The following SVIL variants were observed in gnomAD, a reference collection of about 807,000 sequenced individuals.
SVIL encodes archvillin.
A neutral mutation model predicts 240.4 loss-of-function variants in SVIL; 101 were observed. The observed-to-expected ratio is 0.42, with a 90% confidence interval of 0.36 to 0.50. The LOEUF is 0.50. Among genes scored for constraint, SVIL ranks in the 20% least tolerant of loss-of-function variants. The pLI, the probability that SVIL is intolerant of heterozygous loss-of-function variation, is 0.01. For synonymous variants in SVIL, 999 were observed against 1,100.0 expected (o/e 0.91, Z 1.82); for missense variants, 2,512 against 2,818.7 (o/e 0.89, Z 2.46).
intron 16 of SVIL, among the ~76,000 whole-genome samples, chr10:29,521,944 CA>C (rs1950584307): frequency 6.6e-6 from 1 of 152,102 alleles, no homozygotes; most frequent in African/African-American, 2.4e-5. Context: ...ATTCTAAGTC[CA>C]AAGATATATG....
At chr10:29,595,853 G>T (rs1046844752) in intron 1 of SVIL, among the ~76,000 whole-genome samples, 1 of 152,182 alleles carries the variant, frequency 6.6e-6, no homozygotes, top group Admixed American at 6.5e-5. Flanking sequence ...CATTCCACAC[G>T]TGGCCCTAGG....
rs1015741989 is a variant in SVIL, at chr10:29,551,367, T to C, written c.161-104A>G. ...CACACAGCACACACCTGGGTGCCCA[T>C]GCTGTGAAGGACCAGTTTCTCACCG... On this transcript the variant is annotated intron_variant, in intron 5 of 37. Coordinates refer to ENST00000355867, the MANE Select transcript of SVIL (RefSeq NM_021738.3). The C allele has an allele frequency of 5.2e-6, 6 of 1,158,810 alleles. No homozygotes were observed. The Admixed American group carries it at 1.7e-4, about 34-fold the overall frequency. 71.8% of individuals were successfully genotyped at this position (1,158,810 alleles called of 1,614,324 possible). A position where few individuals can be genotyped will look rare whatever the true frequency, so the allele number is the denominator to read the frequency against.
rs57522089 is a variant in SVIL, at chr10:29,720,188, A to C, written c.-400+15563T>G. Among the ~76,000 whole-genome samples the C allele has an allele frequency of 0.012, 1,794 of 152,318 alleles. 79 individuals carry two copies. In the East Asian group the frequency reaches 0.16, roughly 13 times the overall value. The stretch of plus-strand genomic sequence containing the variant: ...CACTGCACTCTGCCCTGGATGACAC[A>C]GTGAGACTTCACTTTTTAAAAAATA... On this transcript the variant is annotated intron_variant, in intron 1 of 35. Transcript: ENST00000375400.
At chr10:29,641,952 C>T (rs1183660686) in intron 3 of SVIL, among the ~76,000 whole-genome samples, 1 of 152,192 alleles carries the variant, frequency 6.6e-6, no homozygotes, top group Non-Finnish European at 1.5e-5. Context: ...ATTCCAAAGT[C>T]CCACTTCTCT....
intron 1 of SVIL, chr10:29,602,347 C>CT (rs1956844475): frequency 1.9e-6 from 1 of 523,378 alleles, no homozygotes; most frequent in Admixed American, 2.0e-5. Context: ...GTACACCTTC[C>CT]AACATGCCGT....
chr10:29,631,034 G>A lies in SVIL; in HGVS notation c.-201+3386C>T, dbSNP rs78786099. 7.1e-3 allele frequency among the ~76,000 whole-genome samples: 1,075 copies of A among 152,200 alleles called. 5 individuals are homozygous for A. Among genetic ancestry groups the A allele is most frequent in the Middle Eastern group, 0.014 (4 of 294 alleles). ...CAGCCCTAGAGTACAGGCTGGAGTC[G>A]AGGCCCAGGAGGCCAGAGGCATGTC... is the stretch of plus-strand genomic sequence containing the variant. On this transcript the variant is annotated intron_variant, in intron 1 of 37. Coordinates refer to ENST00000355867, the MANE Select transcript of SVIL (RefSeq NM_021738.3).
intron 29 of SVIL, among the ~76,000 whole-genome samples, chr10:29,477,608 G>A (rs1201426172): frequency 6.6e-6 from 1 of 152,242 alleles, no homozygotes; most frequent in Non-Finnish European, 1.5e-5. Context: ...AGTGATAGGG[G>A]AGCCGGACTA....
intron 1 of SVIL, among the ~76,000 whole-genome samples, chr10:29,572,763 CAAAA>C (rs375180538): frequency 3.7e-5 from 3 of 81,328 alleles, no homozygotes; most frequent in Non-Finnish European, 7.0e-5. Context: ...GATCCTATCT[CAAAA>C]AAAAAAAAAA....
chr10:29,733,593 C>T (rs1174852073), intron 1 of SVIL, among the ~76,000 whole-genome samples: 4 of 152,194 alleles, frequency 2.6e-5, no homozygotes, highest in East Asian at 3.9e-4. Flanking sequence ...GTGTGAGGCA[C>T]GGCACCTGGC....
intron 23 of SVIL, chr10:29,487,771 G>A (rs3818543): frequency 0.47 from 71,892 of 152,128 alleles, 17,176 homozygotes; most frequent in East Asian, 0.57. Context: ...GGATGGAGGC[G>A]CCACCTTCTG....
intron 1 of SVIL, among the ~76,000 whole-genome samples, chr10:29,588,795 A>C (rs1313458780): frequency 1.3e-5 from 2 of 152,222 alleles, no homozygotes; most frequent in East Asian, 3.9e-4. Flanking sequence ...ACTGTGCAAG[A>C]GATAAATGCG....
chr10:29,662,332 CT>C (rs1314741877), intron 2 of SVIL, among the ~76,000 whole-genome samples: 1 of 152,182 alleles, frequency 6.6e-6, no homozygotes, highest in African/African-American at 2.4e-5. Flanking sequence ...TGCCAAACAC[CT>C]GATGCTGATT....
intron 7 of SVIL, among the ~76,000 whole-genome samples, chr10:29,534,388 A>G (rs1262203999): frequency 6.6e-6 from 1 of 152,186 alleles, no homozygotes; most frequent in Non-Finnish European, 1.5e-5. Context: ...CTGTAGTCCC[A>G]GCTACTTAGG....
chr10:29,543,020 C>T lies in SVIL; in HGVS notation c.828-6951G>A, dbSNP rs568943254. On this transcript the variant is annotated intron_variant, in intron 6 of 37. Coordinates refer to ENST00000355867, the MANE Select transcript of SVIL (RefSeq NM_021738.3). The stretch of plus-strand genomic sequence containing the variant: ...ATATGATAATGAGAGCAGACTGGTG[C>T]GAGAGTCTAAACACCACAGAAAGTG... Among the ~76,000 whole-genome samples the T allele has an allele frequency of 7.2e-5, 11 of 152,248 alleles. No homozygotes were observed. The East Asian group carries it at 1.9e-3, about 27-fold the overall frequency.
At chr10:29,461,597 C>T (rs1944270798) in intron 36 of SVIL, among the ~76,000 whole-genome samples, 1 of 152,032 alleles carries the variant, frequency 6.6e-6, no homozygotes, top group African/African-American at 2.4e-5. Context: ...AAAACAAATC[C>T]TTGGATTTGC....
At chr10:29,561,584 A>ATTTTTT (rs199711026) in intron 3 of SVIL, among the ~76,000 whole-genome samples, 3 of 144,616 alleles carry the variant, frequency 2.1e-5, no homozygotes, top group Non-Finnish European at 1.5e-5. Context: ...CTCAGAGGAA[A>ATTTTTT]TTTTTTTTTT....
At chr10:29,676,247 T>C (rs999747879) in intron 2 of SVIL, among the ~76,000 whole-genome samples, 2 of 152,224 alleles carry the variant, frequency 1.3e-5, no homozygotes, top group Non-Finnish European at 2.9e-5. Context: ...ATCTCAGTGA[T>C]TGGCTTTCTG....
intron 1 of SVIL, among the ~76,000 whole-genome samples, chr10:29,732,858 G>GA (rs1564372137): frequency 7.1e-6 from 1 of 140,142 alleles, no homozygotes. Context: ...TTGGGTTTTT[G>GA]TTTTTTTTTT....
intron 1 of SVIL, among the ~76,000 whole-genome samples, chr10:29,722,902 A>C (rs1964071873): frequency 6.6e-6 from 1 of 152,134 alleles, no homozygotes; most frequent in South Asian, 2.1e-4. Flanking sequence ...TTTAAATCTC[A>C]ATCCTGTCAC....
Sources: allele counts gnomAD v4.1 joint callset (sites outside exome capture counted in the v4.1 genomes callset), GRCh38; gene constraint gnomAD v4.1.1; transcripts MANE v1.5; gene names NCBI Gene and HGNC (gene_info 2026-07-23, HGNC 2026-07-21).